Variants in PTBP1 observed in about 807,000 individuals in gnomAD.
The protein encoded by PTBP1 is polypyrimidine tract binding protein 1, also known as polypyrimidine tract-binding protein 1.
PTBP1 carries 8 observed loss-of-function variants against 59.8 expected under a neutral mutation model. The ratio of observed to expected loss-of-function variants is 0.13; its 90% CI spans 0.08 to 0.24. PTBP1 has a LOEUF of 0.24. Ranked by LOEUF, PTBP1 falls within the 10% of genes least tolerant of loss-of-function variation. The pLI is 1.00. For synonymous variants in PTBP1, 490 were observed against 320.7 expected (o/e 1.53, Z -5.64); for missense variants, 686 against 767.0 (o/e 0.89, Z 1.25).
intron 3 of PTBP1, among the ~76,000 whole-genome samples, 177 bp from the exon 4 acceptor site, chr19:803,859 C>T (rs1441771998): frequency 6.6e-6 from 1 of 152,056 alleles, no homozygotes; most frequent in African/African-American, 2.4e-5. Context: ...CAGGAGCTGT[C>T]GGGAGCAGGG....
intron 9 of PTBP1, chr19:806,129 GCGGAGC>G (rs1458341313): frequency 2.7e-6 from 1 of 373,250 alleles, no homozygotes; most frequent in South Asian, 6.0e-5. Context: ...GTCTGTGCTG[GCGGAGC>G]CGGAGCTTTT....
At chr19:800,541 C>A (rs1358020936) in intron 2 of PTBP1, among the ~76,000 whole-genome samples, 1 of 152,178 alleles carries the variant, frequency 6.6e-6, no homozygotes, top group Non-Finnish European at 1.5e-5. Flanking sequence ...CCGAGAGCCT[C>A]CCGCAGGGCG....
intron 9 of PTBP1, 50 bp downstream of exon 9, chr19:805,619 C>T: frequency 1.4e-6 from 2 of 1,474,434 alleles, no homozygotes; most frequent in Admixed American, 1.7e-5. Flanking sequence ...GCCCACACCA[C>T]CTTCCCAGGC....
In PTBP1 at chr19:804,094, T is replaced by C. The variant is rs1291586950; in HGVS notation, c.174T>C (p.Ser58=). Residue 58 remains serine (S), a synonymous_variant, in exon 4 of 15, where the codon TCT becomes TCC. Transcript: ENST00000356948. ...KGDSRSAGVP[S]RVIHIRKLPI... is the part of the protein sequence containing the mutation. ...ACAGCCGAAGTGCAGGCGTCCCCTC[T>C]AGAGTGATCCACATCCGGAAGCTCC... is the stretch of plus-strand genomic sequence containing the variant. 1.2e-6 allele frequency: 2 copies of C among 1,613,982 alleles called. No homozygotes were observed. Among genetic ancestry groups the C allele is most frequent in the Non-Finnish European group, 1.7e-6 (2 of 1,179,958 alleles).
In PTBP1 at chr19:804,311, C is replaced by G; in HGVS notation, c.308C>G (p.Thr103Arg). 1 of 1,613,760 alleles carries G rather than the reference C, an allele frequency of 6.2e-7. No individual in the cohort carries two copies. Among genetic ancestry groups the G allele is most frequent in the Non-Finnish European group, 8.5e-7 (1 of 1,179,962 alleles). Residue 103 changes from threonine to arginine, a missense_variant, in exon 5 of 15, where the codon ACG becomes AGG. Coordinates refer to ENST00000356948, the MANE Select transcript of PTBP1 (RefSeq NM_002819.5). ...GKNQAFIEMN[T>R]EEAANTMVNY... The stretch of plus-strand genomic sequence containing the variant: ...CAACAGGCCTTCATCGAGATGAACA[C>G]GGAGGAGGCTGCCAACACCATGGTG...
chr19:811,846 C>T lies in PTBP1; in HGVS notation c.*1020C>T, dbSNP rs1023219107. The T allele has an allele frequency of 1.3e-5, 2 of 152,442 alleles. No homozygotes were observed. Among genetic ancestry groups the T allele is most frequent in the East Asian group, 3.9e-4 (2 of 5,188 alleles). The allele number at this position is 152,442 out of a possible 1,614,324, so 9.4% of individuals were successfully genotyped here. A position where few individuals can be genotyped will look rare whatever the true frequency, so the allele number is the denominator to read the frequency against. On this transcript the variant is annotated 3_prime_UTR_variant, in exon 15 of 15. Transcript: ENST00000356948. ...TCTCAAACTTCAGGGTTTTTTCTTC[C>T]TTCAAATTTTGGACCAAAGTCTCAT...
intron 2 of PTBP1, among the ~76,000 whole-genome samples, chr19:802,588 C>T (rs1599223432): frequency 6.6e-6 from 1 of 152,166 alleles, no homozygotes; most frequent in Admixed American, 6.5e-5. Context: ...CCTGGGATGG[C>T]CCTGTCCTGG....
rs771096282 is a variant in PTBP1 at position 808,784 on chromosome 19, T to G, written c.1463+22T>G. 5 of 1,534,258 alleles carry G rather than the reference T, an allele frequency of 3.3e-6. No homozygotes were observed. The African/African-American group carries it at 6.8e-5, about 21-fold the overall frequency. ...TCCCGTGAGTGCTGGGCCGGGGGGC[T>G]CATGGGGCCGGGGGCGGGCAAGGGC... is the stretch of plus-strand genomic sequence containing the variant. On this transcript the variant is annotated intron_variant, in intron 13 of 14. Coordinates refer to ENST00000356948, the MANE Select transcript of PTBP1 (RefSeq NM_002819.5). The surrounding 1 kb of genome is among the most constrained non-coding windows in gnomAD (Gnocchi z 4.7).
intron 9 of PTBP1, chr19:805,867 G>A (rs1355013763): frequency 4.5e-6 from 2 of 440,354 alleles, no homozygotes; most frequent in Admixed American, 7.8e-5. Flanking sequence ...CCAGTGGTTG[G>A]AGGGATGTCT....
rs1393210401 is a variant in PTBP1 at position 810,776 on chromosome 19, C to G, written c.1624C>G (p.Leu542Val). The G allele has an allele frequency of 6.2e-7, 1 of 1,603,314 alleles. No individual in the cohort carries two copies. Among genetic ancestry groups the G allele is most frequent in the Admixed American group, 1.7e-5 (1 of 57,468 alleles). Residue 542 changes from leucine (L) to valine (V), a missense_variant, in exon 15 of 15, where the codon CTC becomes GTC. Physicochemically the swap from Leu to Val is conservative, Grantham distance 32 (BLOSUM62 1). Transcript: ENST00000356948. ...CCTCATTGACCTGCACAACCACGAC[C>G]TCGGGGAGAACCACCACCTGCGGGT... ...QALIDLHNHD[L>V]GENHHLRVSF...
chr19:802,954 T>C (rs896212030), intron 2 of PTBP1, among the ~76,000 whole-genome samples: 10 of 152,242 alleles, frequency 6.6e-5, no homozygotes, highest in Non-Finnish European at 1.5e-4. Flanking sequence ...AGCGGATCAC[T>C]GGGCGGGAGG....
chr19:799,069 C>T (rs1477659823), intron 1 of PTBP1, among the ~76,000 whole-genome samples: 1 of 152,244 alleles, frequency 6.6e-6, no homozygotes, highest in Non-Finnish European at 1.5e-5. Flanking sequence ...CACACAGCAG[C>T]CCTTGAACCC....
chr19:805,386 C>G (rs1300982548), intron 8 of PTBP1, 106 bp from the exon 9 acceptor site: 1 of 1,280,816 alleles, frequency 7.8e-7, no homozygotes, highest in Admixed American at 1.8e-5. Context: ...CCCGCGAAGG[C>G]TCTGCCGGGG....
At position 804,976 on chromosome 19, in the gene PTBP1, C is replaced by T. The variant is rs2145047737; in HGVS notation, c.717+37C>T. On this transcript the variant is annotated intron_variant, in intron 7 of 14. Coordinates refer to ENST00000356948, the MANE Select transcript of PTBP1 (RefSeq NM_002819.5). ...TCCCGGGACGGCGCCCGCCCTGGCC[C>T]TGGCCCGGCGACGTCTCACGGTCCC... The T allele has an allele frequency of 2.5e-6, 4 of 1,612,414 alleles. 1 individual carries two copies. The highest frequency in any genetic ancestry group is 2.2e-5 in the South Asian group (2 of 91,014).
chr19:811,741 G>A lies in PTBP1; in HGVS notation c.*915G>A, dbSNP rs1466292615. The A allele has an allele frequency of 6.6e-6, 1 of 152,418 alleles. No individual in the cohort carries two copies. Among genetic ancestry groups the A allele is most frequent in the East Asian group, 1.9e-4 (1 of 5,194 alleles). The allele number at this position is 152,418 out of a possible 1,614,324, so 9.4% of individuals were successfully genotyped here. ...TAGAGCCCCTGAGCTTCAGGGAAGG[G>A]GCGGGCGTGTCGCCGCCTCTGGCAT... On this transcript the variant is annotated 3_prime_UTR_variant, in exon 15 of 15. Coordinates refer to ENST00000356948, the MANE Select transcript of PTBP1 (RefSeq NM_002819.5).
chr19:808,070 G>A lies in PTBP1; in HGVS notation c.1153+168G>A, dbSNP rs928346548. The A allele has an allele frequency of 5.8e-6, 4 of 691,398 alleles. No individual in the cohort carries two copies. Among genetic ancestry groups the A allele is most frequent in the East Asian group, 2.6e-5 (1 of 37,946 alleles). 42.8% of individuals were successfully genotyped at this position (691,398 alleles called of 1,614,324 possible). On this transcript the variant is annotated intron_variant, in intron 11 of 14. Coordinates refer to ENST00000356948, the MANE Select transcript of PTBP1 (RefSeq NM_002819.5). This position sits in a 1 kb window ranked among gnomAD's most constrained non-coding sequence, Gnocchi z 4.7. ...GAATTTTATTTGGTCCCGTAGATAC[G>A]TACGCATGGTTTATCGCCCTGCATG... is the stretch of plus-strand genomic sequence containing the variant.
rs543148707 is a variant in PTBP1, at chr19:802,286, C to T, written c.40-1275C>T. Among the ~76,000 whole-genome samples, 12 of 152,310 alleles carry T rather than the reference C, an allele frequency of 7.9e-5. No individual in the cohort carries two copies. In the South Asian group the frequency reaches 2.1e-3, roughly 26 times the overall value. ...CGGGCAGTCTTCCTTCCAGGAAGCT[C>T]TTGAGCCAGGGCCAGGGCAGGAGTG... On this transcript the variant is annotated intron_variant, in intron 2 of 14. Transcript: ENST00000356948.
Position 804,998 on chromosome 19 carries a change from T to TC in PTBP1, c.718-12dup, listed in dbSNP as rs1335718083. 4 of 1,612,756 alleles carry TC rather than the reference T, an allele frequency of 2.5e-6. No individual in the cohort carries two copies. The highest frequency in any genetic ancestry group is 3.4e-6 in the Non-Finnish European group (4 of 1,179,194). On this transcript the variant is annotated splice_polypyrimidine_tract_variant and intron_variant, in intron 7 of 14. Transcript: ENST00000356948. ...GCCCTGGCCCGGCGACGTCTCACGG[T>TC]CCCTCTCCCCTCAGTCGCTGGACGG...
In PTBP1 at chr19:808,213, G is replaced by A. The variant is rs2034666710; in HGVS notation, c.1154-147G>A. The A allele has an allele frequency of 2.9e-6, 2 of 699,016 alleles. No individual in the cohort carries two copies. Among genetic ancestry groups the A allele is most frequent in the Non-Finnish European group, 5.0e-6 (2 of 401,304 alleles). The allele number at this position is 699,016 out of a possible 1,614,324, so 43.3% of individuals were successfully genotyped here. A position where few individuals can be genotyped will look rare whatever the true frequency, so the allele number is the denominator to read the frequency against. ...GCTGCTCCTGTTAGCGCGCCCTGTG[G>A]CTGCGAGACGCAGCTCCGCAGTGGC... On this transcript the variant is annotated intron_variant, in intron 11 of 14. Transcript: ENST00000356948. The surrounding 1 kb of genome is among the most constrained non-coding windows in gnomAD (Gnocchi z 4.7).
Sources: gnomAD v4.1 joint callset for allele counts (sites outside exome capture counted in the v4.1 genomes callset) on GRCh38, gnomAD v4.1.1 for gene constraint, Gnocchi (gnomAD v3.1) non-coding constraint, MANE v1.5 for transcripts, NCBI Gene and HGNC (gene_info 2026-07-23, HGNC 2026-07-21) for gene names.